The following GDPD5 variants were observed in gnomAD, a reference collection of about 807,000 sequenced individuals.
GDPD5 encodes the protein glycerophosphodiester phosphodiesterase domain containing 5, also known as glycerophosphodiester phosphodiesterase 2.
In GDPD5, 48 loss-of-function variants were observed where a neutral mutation model predicts 75.1. The observed-to-expected ratio is 0.64, with a 90% confidence interval of 0.51 to 0.81. The LOEUF (loss-of-function observed/expected upper bound fraction) is 0.81. Among genes scored for constraint, GDPD5 ranks in the 40% least tolerant of loss-of-function variants. The pLI, the probability that GDPD5 is intolerant of heterozygous loss-of-function variation, is 0.00. For synonymous variants in GDPD5, 336 were observed against 339.0 expected, an observed-to-expected ratio of 0.99 and a Z score of 0.10; for missense variants, 706 against 822.6, an observed-to-expected ratio of 0.86 and a Z score of 1.73.
At chr11:75,514,390 G>A (rs1950595371) in intron 1 of GDPD5, among the ~76,000 whole-genome samples, 2 of 152,380 alleles carry the variant, frequency 1.3e-5, no homozygotes, top group South Asian at 4.1e-4. Flanking sequence ...CAGGCCCACG[G>A]TGGCCCGAAA....
chr11:75,464,030 A>G (rs958477597), intron 3 of GDPD5, among the ~76,000 whole-genome samples: 1 of 152,224 alleles, frequency 6.6e-6, no homozygotes, highest in Non-Finnish European at 1.5e-5. Context: ...TGACCTGCTC[A>G]CTGTGTCCCC....
chr11:75,508,552 G>C (rs1246940956), intron 1 of GDPD5, among the ~76,000 whole-genome samples: 1 of 152,184 alleles, frequency 6.6e-6, no homozygotes, highest in East Asian at 1.9e-4. Flanking sequence ...GTTCCTGCTT[G>C]GTCTTTTTAA....
intron 3 of GDPD5, among the ~76,000 whole-genome samples, chr11:75,467,409 G>A (rs1161046125): frequency 2.0e-5 from 3 of 152,166 alleles, no homozygotes; most frequent in Non-Finnish European, 4.4e-5. Flanking sequence ...CCAGCATCAC[G>A]CCGGGCACAA....
intron 1 of GDPD5, among the ~76,000 whole-genome samples, chr11:75,496,779 CT>C (rs544914858): frequency 2.3e-3 from 242 of 103,126 alleles, no homozygotes; most frequent in African/African-American, 6.8e-3. Context: ...TTCTTTCTTT[CT>C]TTTTTTTTTT....
chr11:75,513,680 C>T (rs1950578003), intron 1 of GDPD5, among the ~76,000 whole-genome samples: 1 of 152,226 alleles, frequency 6.6e-6, no homozygotes, highest in Non-Finnish European at 1.5e-5. Context: ...CTCCTGGGTT[C>T]CTCGCTCTCA....
intron 5 of GDPD5, 40 bp downstream of exon 5, chr11:75,457,653 G>A (rs937113319): frequency 8.3e-6 from 13 of 1,562,266 alleles, no homozygotes; most frequent in Non-Finnish European, 1.1e-5. Context: ...CCCTTCCCCT[G>A]GGAGCAGGGC....
At chr11:75,457,427 G>A (rs1949307972) in intron 5 of GDPD5, among the ~76,000 whole-genome samples, 1 of 152,238 alleles carries the variant, frequency 6.6e-6, no homozygotes, top group Non-Finnish European at 1.5e-5. Context: ...CTGAATTAAT[G>A]TGCCATATGT....
At chr11:75,519,056 C>T (rs1027630745) in intron 1 of GDPD5, among the ~76,000 whole-genome samples, 9 of 152,284 alleles carry the variant, frequency 5.9e-5, no homozygotes, top group Non-Finnish European at 1.3e-4. Context: ...GCCTGTCAGA[C>T]CAGCAGCCCA....
At chr11:75,521,919 G>A (rs766446223) in intron 1 of GDPD5, among the ~76,000 whole-genome samples, 10 of 152,094 alleles carry the variant, frequency 6.6e-5, no homozygotes, top group Admixed American at 6.5e-5. Flanking sequence ...CCATAACTAG[G>A]GCCTGGTCTT....
At chr11:75,484,859 G>T (rs1164192352) in intron 2 of GDPD5, among the ~76,000 whole-genome samples, 1 of 152,188 alleles carries the variant, frequency 6.6e-6, no homozygotes, top group Non-Finnish European at 1.5e-5. Context: ...TCATTGCTGG[G>T]TACTGTGCTG....
rs555906359 is a variant in GDPD5 at position 75,503,919 on chromosome 11, G to A, written c.-144-13599C>T. Among the ~76,000 whole-genome samples, 302 of 152,304 alleles carry A rather than the reference G, an allele frequency of 2.0e-3. 2 individuals carry two copies. The highest frequency in any genetic ancestry group is 3.9e-3 in the Admixed American group (59 of 15,294). ...CTGAATGCTGCAGGATTAGACATAG[G>A]CCCCTGGGGAGCTGATCCCTCCTAA... On this transcript the variant is annotated intron_variant, in intron 1 of 16. Transcript: ENST00000336898.
Position 75,441,714 on chromosome 11 carries a change from G to A in GDPD5, c.1257C>T (p.Ala419=). ...QQTSGSKEAV[A]SLRRGHIQRL... ...GCTGGATGTGGCCTCTCCGCAGGCT[G>A]GCGACTGCCTCCTTGGAGCCTGATG... The change falls in exon 13 of 17, where the codon GCC becomes GCT. Residue 419 remains alanine (A), a synonymous_variant. Coordinates refer to ENST00000336898, the MANE Select transcript of GDPD5 (RefSeq NM_030792.8). 3 of 1,611,186 alleles carry A rather than the reference G, an allele frequency of 1.9e-6. No individual in the cohort carries two copies. The highest frequency in any genetic ancestry group is 2.5e-6 in the Non-Finnish European group (3 of 1,179,670).
chr11:75,510,835 T>C lies in GDPD5; in HGVS notation c.-145+14375A>G, dbSNP rs191116610. Among the ~76,000 whole-genome samples, 464 of 151,634 alleles carry C rather than the reference T, an allele frequency of 3.1e-3. 3 individuals are homozygous for C. Among genetic ancestry groups the C allele is most frequent in the African/African-American group, 0.011 (448 of 41,252 alleles). ...TGTGCACTCTGCCCAGGGTAATGGG[T>C]CCTGGAATTGCCTCACTCTCTGCCC... On this transcript the variant is annotated intron_variant, in intron 1 of 16. Transcript: ENST00000336898.
intron 2 of GDPD5, among the ~76,000 whole-genome samples, chr11:75,482,835 G>A (rs1410121214): frequency 6.6e-6 from 1 of 152,178 alleles, no homozygotes; most frequent in African/African-American, 2.4e-5. Flanking sequence ...TGGGCACACT[G>A]TGAGAGCACC....
chr11:75,488,806 C>T (rs1950059147), intron 2 of GDPD5, among the ~76,000 whole-genome samples: 1 of 152,246 alleles, frequency 6.6e-6, no homozygotes, highest in South Asian at 2.1e-4. Context: ...CTGTAATTAT[C>T]TGCTTCCGTG....
intron 1 of GDPD5, among the ~76,000 whole-genome samples, chr11:75,520,567 A>C (rs561452313): frequency 1.1e-4 from 16 of 152,232 alleles, no homozygotes; most frequent in Admixed American, 8.5e-4. Flanking sequence ...TCCACAGACC[A>C]CAGTCAGTGT....
At chr11:75,523,714 G>A (rs1941554112) in intron 1 of GDPD5, among the ~76,000 whole-genome samples, 1 of 152,202 alleles carries the variant, frequency 6.6e-6, no homozygotes, top group African/African-American at 2.4e-5. Context: ...AAAGAGCTTT[G>A]TTTAGACATA....
At chr11:75,471,556 G>A (rs2057009247) in intron 3 of GDPD5, among the ~76,000 whole-genome samples, 1 of 152,184 alleles carries the variant, frequency 6.6e-6, no homozygotes, top group South Asian at 2.1e-4. Context: ...CCCTTGGGGA[G>A]ACATGAGCAG....
intron 14 of GDPD5, among the ~76,000 whole-genome samples, 172 bp from the exon 15 acceptor site, chr11:75,440,133 C>T (rs79031846): frequency 0.019 from 2,883 of 152,200 alleles, 97 homozygotes; most frequent in African/African-American, 0.065. Flanking sequence ...AGGCTCCAGG[C>T]GCTGTGGGCC....
Sources: allele counts gnomAD v4.1 joint callset (sites outside exome capture counted in the v4.1 genomes callset), GRCh38; gene constraint gnomAD v4.1.1; transcripts MANE v1.5; gene names NCBI Gene and HGNC (gene_info 2026-07-23, HGNC 2026-07-21).